Variants in PPA1 observed in about 807,000 individuals in gnomAD.
PPA1 encodes inorganic pyrophosphatase.
In PPA1, 23 loss-of-function variants were observed where a neutral mutation model predicts 41.8. The ratio of observed to expected loss-of-function variants is 0.55; its 90% CI spans 0.40 to 0.78. PPA1 has a LOEUF of 0.78. Ranked by LOEUF, PPA1 falls within the 30% of genes least tolerant of loss-of-function variation. The pLI is 0.00. For missense variants in PPA1, 320 were observed against 361.6 expected (o/e 0.89, Z 0.93); for synonymous variants, 101 against 116.8 (o/e 0.86, Z 0.87).
chr10:70,206,232 C>T (rs781159282), intron 9 of PPA1, 32 bp downstream of exon 9: 1 of 1,533,278 alleles, frequency 6.5e-7, no homozygotes, highest in South Asian at 1.1e-5. Flanking sequence ...AGCAACCAGG[C>T]TTGTTTTTTT....
intron 2 of PPA1, among the ~76,000 whole-genome samples, chr10:70,222,534 T>G (rs960743157): frequency 1.3e-5 from 2 of 152,076 alleles, no homozygotes; most frequent in African/African-American, 4.8e-5. Context: ...AGAGTTGGAT[T>G]TCCAAATCAG....
At chr10:70,217,175 A>AT (rs1018428986) in intron 4 of PPA1, among the ~76,000 whole-genome samples, 8 of 151,898 alleles carry the variant, frequency 5.3e-5, no homozygotes, top group Non-Finnish European at 1.0e-4. Context: ...AATTTTTTTA[A>AT]TTAAAAAAAA....
chr10:70,216,214 G>A (rs1026950354), intron 4 of PPA1, among the ~76,000 whole-genome samples: 4 of 152,264 alleles, frequency 2.6e-5, no homozygotes, highest in South Asian at 2.1e-4. Flanking sequence ...GAGGCCGGGC[G>A]TGGTGGCTCA....
At chr10:70,226,579 C>A (rs996999924) in intron 2 of PPA1, among the ~76,000 whole-genome samples, 1 of 151,810 alleles carries the variant, frequency 6.6e-6, no homozygotes, top group African/African-American at 2.4e-5. Flanking sequence ...AAAGAAAAAG[C>A]TGCTATTTTT....
At chr10:70,217,269 CTAAACA>C (rs1430716393) in intron 4 of PPA1, among the ~76,000 whole-genome samples, 2 of 152,054 alleles carry the variant, frequency 1.3e-5, no homozygotes, top group Non-Finnish European at 2.9e-5. Context: ...AATCAAAACT[CTAAACA>C]TAAAGTCAGC....
chr10:70,216,898 G>A (rs1301480962), intron 4 of PPA1, among the ~76,000 whole-genome samples: 3 of 152,140 alleles, frequency 2.0e-5, no homozygotes, highest in Admixed American at 6.5e-5. Flanking sequence ...GGCCAGACAT[G>A]GTGGCTCACA....
Position 70,220,636 on chromosome 10 carries a change from ATATATATAATTTATATATATAT to A in PPA1, c.124-1841_124-1820del, listed in dbSNP as rs1840135366. ...ATTATATATAATTTATATATATATAATATATATAATTTATATATATATTATATATAATTTATATATATATAAT... is the reference window on the plus strand; with the variant it reads ...ATTATATATAATTTATATATATATAATATATATAATTTATATATATATAAT... On this transcript the variant is annotated intron_variant, in intron 2 of 10. Transcript: ENST00000373232. Among the ~76,000 whole-genome samples, 5 of 7,146 alleles carry A rather than the reference ATATATATAATTTATATATATAT, an allele frequency of 7.0e-4. 1 individual carries two copies. Among genetic ancestry groups the A allele is most frequent in the Admixed American group, 4.2e-3 (1 of 240 alleles). 4.7% of individuals were successfully genotyped at this position (7,146 alleles called of 152,430 possible).
intron 8 of PPA1, among the ~76,000 whole-genome samples, chr10:70,208,301 G>A (rs1403177981): frequency 6.6e-6 from 1 of 151,476 alleles, no homozygotes; most frequent in Non-Finnish European, 1.5e-5. Flanking sequence ...CGTAAGATAC[G>A]AAAAAATAGA....
chr10:70,210,342 A>C (rs1485993821), intron 6 of PPA1: 6 of 1,358,540 alleles, frequency 4.4e-6, no homozygotes, highest in Non-Finnish European at 5.9e-6. Context: ...TTCCCAAAGC[A>C]CTGGGATTAC....
At chr10:70,227,332 C>T (rs1195251914) in intron 2 of PPA1, among the ~76,000 whole-genome samples, 1 of 152,148 alleles carries the variant, frequency 6.6e-6, no homozygotes, top group Non-Finnish European at 1.5e-5. Flanking sequence ...ATGGCATATG[C>T]CAAACTGAAT....
Position 70,204,868 on chromosome 10 carries a change from C to T in PPA1, c.838+5G>A, listed in dbSNP as rs1408891515. The T allele has an allele frequency of 4.4e-6, 7 of 1,582,472 alleles. No individual in the cohort carries two copies. Among genetic ancestry groups the T allele is most frequent in the Non-Finnish European group, 6.0e-6 (7 of 1,160,654 alleles). On this transcript the variant is annotated splice_donor_5th_base_variant and intron_variant, in intron 10 of 10. Transcript: ENST00000373232. ...AATGAAATTTTACTGGAATAGAAATCTTACCGTCTGTTGGTACTGTGCAGG... is the reference window on the plus strand; with the variant it reads ...AATGAAATTTTACTGGAATAGAAATTTTACCGTCTGTTGGTACTGTGCAGG...
chr10:70,208,108 T>C (rs1839968387), intron 8 of PPA1, among the ~76,000 whole-genome samples: 1 of 152,116 alleles, frequency 6.6e-6, no homozygotes, highest in Non-Finnish European at 1.5e-5. Flanking sequence ...GAGAATCTCT[T>C]GAATCCGGGA....
intron 2 of PPA1, among the ~76,000 whole-genome samples, chr10:70,228,335 A>G (rs962080929): frequency 2.6e-5 from 4 of 152,236 alleles, no homozygotes; most frequent in African/African-American, 7.2e-5. Context: ...AACATCTATG[A>G]TCATTCTGGT....
intron 4 of PPA1, among the ~76,000 whole-genome samples, chr10:70,216,771 T>A (rs1362928474): frequency 4.6e-5 from 7 of 152,244 alleles, no homozygotes; most frequent in African/African-American, 1.7e-4. Context: ...AGATGTCATT[T>A]ACTCATTATA....
intron 1 of PPA1, among the ~76,000 whole-genome samples, chr10:70,231,526 C>T (rs529470395): frequency 6.6e-6 from 1 of 152,340 alleles, no homozygotes; most frequent in South Asian, 2.1e-4. Context: ...AAGATCATGC[C>T]ACTGCACTCC....
At chr10:70,219,325 T>C (rs1564583582) in intron 2 of PPA1, among the ~76,000 whole-genome samples, 3 of 152,208 alleles carry the variant, frequency 2.0e-5, no homozygotes, top group South Asian at 4.1e-4. Context: ...AGAACCTGTA[T>C]CTCTGAAGAA....
At chr10:70,226,503 G>A (rs1016601810) in intron 2 of PPA1, among the ~76,000 whole-genome samples, 2 of 151,682 alleles carry the variant, frequency 1.3e-5, no homozygotes, top group South Asian at 4.2e-4. Flanking sequence ...AGCCTGCAGT[G>A]AGCCAAGATC....
rs1201066296 is a variant in PPA1, at chr10:70,214,564, T to C, written c.320A>G (p.Asn107Ser). 6.2e-7 allele frequency: 1 copy of C among 1,613,718 alleles called. No homozygotes were observed. Among genetic ancestry groups the C allele is most frequent in the Non-Finnish European group, 8.5e-7 (1 of 1,179,676 alleles). The change falls in exon 5 of 11, where the codon AAT becomes AGT. Residue 107 changes from asparagine (N) to serine (S), a missense_variant. Asn to Ser is a conservative substitution (Grantham distance 46). Transcript: ENST00000373232. ...ACCACAACAGCCAGTATGTTTATCA[T>C]TGTGCCCTGGGTCTTCCCAAGTCTA... ...IPQTWEDPGHNDKHTGCCGDN... is the reference protein window; with the variant it reads ...IPQTWEDPGHSDKHTGCCGDN...
Position 70,226,422 on chromosome 10 carries a change from G to A in PPA1, c.123+3919C>T, listed in dbSNP as rs551191050. Among the ~76,000 whole-genome samples, 39 of 152,070 alleles carry A rather than the reference G, an allele frequency of 2.6e-4. No individual in the cohort carries two copies. In the South Asian group the frequency reaches 4.2e-3, roughly 16 times the overall value. On this transcript the variant is annotated intron_variant, in intron 2 of 10. Transcript: ENST00000373232. ...CAATACAAAAAAATTAGCCAGGTAC[G>A]GTGGTGTGTGCCTGTAGTCCCAGCT...
Sources: gnomAD v4.1 joint callset for allele counts (sites outside exome capture counted in the v4.1 genomes callset) on GRCh38, gnomAD v4.1.1 for gene constraint, MANE v1.5 for transcripts, NCBI Gene and HGNC (gene_info 2026-07-23, HGNC 2026-07-21) for gene names.